Variants in B3GALNT1 observed in about 807,000 individuals in gnomAD.
B3GALNT1 encodes the protein beta-1,3-N-acetylgalactosaminyltransferase 1 (Globoside blood group), also known as UDP-GalNAc:beta-1,3-N-acetylgalactosaminyltransferase 1.
In B3GALNT1, 17 loss-of-function variants were observed where a neutral mutation model predicts 27.3. The ratio of observed to expected loss-of-function variants is 0.62; its 90% CI spans 0.43 to 0.94. The LOEUF (loss-of-function observed/expected upper bound fraction) is 0.94, where lower values mean the gene tolerates loss of function less well. Among genes scored for constraint, B3GALNT1 ranks in the 40% least tolerant of loss-of-function variants. The pLI, the probability that B3GALNT1 is intolerant of heterozygous loss-of-function variation, is 0.00. For synonymous variants in B3GALNT1, 141 were observed against 144.0 expected (o/e 0.98, Z 0.15); for missense variants, 347 against 390.0 (o/e 0.89, Z 0.93).
intron 4 of B3GALNT1, among the ~76,000 whole-genome samples, chr3:161,094,690 A>C (rs1047837908): frequency 1.3e-5 from 2 of 152,210 alleles, no homozygotes; most frequent in Non-Finnish European, 2.9e-5. Context: ...TAACATTAAA[A>C]AAAAATTTAG....
intron 4 of B3GALNT1, among the ~76,000 whole-genome samples, chr3:161,099,919 G>T (rs1476578170): frequency 1.3e-5 from 2 of 152,118 alleles, no homozygotes; most frequent in Non-Finnish European, 1.5e-5. Flanking sequence ...GTTCCATTTT[G>T]AAAGGGTCAC....
chr3:161,095,356 T>G (rs1005702252), intron 4 of B3GALNT1, among the ~76,000 whole-genome samples: 3 of 152,218 alleles, frequency 2.0e-5, no homozygotes, highest in Admixed American at 6.5e-5. Flanking sequence ...TTCCCTTCCA[T>G]AAAGTATATG....
intron 4 of B3GALNT1, among the ~76,000 whole-genome samples, chr3:161,095,926 A>T (rs1727921035): frequency 6.6e-6 from 1 of 152,208 alleles, no homozygotes; most frequent in South Asian, 2.1e-4. Context: ...CTCAACTGGG[A>T]CTCAAACCTA....
intron 4 of B3GALNT1, among the ~76,000 whole-genome samples, chr3:161,088,878 G>A (rs1723468257): frequency 6.6e-6 from 1 of 152,160 alleles, no homozygotes; most frequent in Non-Finnish European, 1.5e-5. Context: ...TATTATAAAA[G>A]TTATTTTTTG....
At chr3:161,089,525 C>A (rs536653168) in intron 4 of B3GALNT1, among the ~76,000 whole-genome samples, 2 of 152,276 alleles carry the variant, frequency 1.3e-5, no homozygotes, top group South Asian at 4.1e-4. Context: ...TTGCTAAAAA[C>A]TTCATTTAAG....
At position 161,086,731 on chromosome 3, in the gene B3GALNT1, G is replaced by T. The variant is rs987367687; in HGVS notation, c.24C>A (p.Val8=). ...ATCTCAGTGACATCCTACTCGGAAG[G>T]ACAGTCCAGAGAGCCGAGGCCATCC... is the stretch of plus-strand genomic sequence containing the variant. The part of the protein sequence containing the change: MASALWT[V]LPSRMSLRSL... The change falls in exon 5 of 5, where the codon GTC becomes GTA. Residue 8 remains valine (V), a synonymous_variant. Transcript: ENST00000320474. 4 of 1,614,050 alleles carry T rather than the reference G, an allele frequency of 2.5e-6. No homozygotes were observed. Among genetic ancestry groups the T allele is most frequent in the Non-Finnish European group, 3.4e-6 (4 of 1,180,000 alleles).
intron 4 of B3GALNT1, among the ~76,000 whole-genome samples, chr3:161,094,167 C>T (rs1322500462): frequency 6.6e-6 from 1 of 152,160 alleles, no homozygotes; most frequent in African/African-American, 2.4e-5. Context: ...GCTGCCTGCT[C>T]ACTATGCTTC....
chr3:161,098,374 C>T (rs1315406885), intron 4 of B3GALNT1, among the ~76,000 whole-genome samples: 1 of 152,190 alleles, frequency 6.6e-6, no homozygotes, highest in Non-Finnish European at 1.5e-5. Context: ...TTTCACAGTG[C>T]AGCACCTCTG....
chr3:161,100,691 G>A (rs917623345), intron 4 of B3GALNT1, among the ~76,000 whole-genome samples: 3 of 152,112 alleles, frequency 2.0e-5, no homozygotes, highest in African/African-American at 4.8e-5. Context: ...GAAAAATGAG[G>A]AGCAAACAAA....
chr3:161,104,432 A>T, intron 1 of B3GALNT1, 26 bp from the exon 2 acceptor site: 1 of 1,118,236 alleles, frequency 8.9e-7, no homozygotes, highest in South Asian at 1.3e-5. Flanking sequence ...AGGAAACAAA[A>T]TCATGAAAGC....
At chr3:161,093,629 A>G (rs1197445315) in intron 4 of B3GALNT1, among the ~76,000 whole-genome samples, 2 of 152,258 alleles carry the variant, frequency 1.3e-5, no homozygotes, top group Non-Finnish European at 2.9e-5. Context: ...CTATTATTTT[A>G]TTACTGACTT....
At chr3:161,100,146 C>A (rs944599008) in intron 4 of B3GALNT1, among the ~76,000 whole-genome samples, 32 of 152,324 alleles carry the variant, frequency 2.1e-4, no homozygotes, top group African/African-American at 7.2e-4. Context: ...GTTATTCTAA[C>A]AAACGTCGAA....
intron 4 of B3GALNT1, among the ~76,000 whole-genome samples, chr3:161,100,082 A>G (rs1205616114): frequency 6.6e-6 from 1 of 152,218 alleles, no homozygotes; most frequent in Non-Finnish European, 1.5e-5. Flanking sequence ...ATTATTTTGA[A>G]TAATAAAATA....
At chr3:161,103,373 T>C (rs948725468) in intron 3 of B3GALNT1, 54 bp downstream of exon 3, 1 of 846,606 alleles carries the variant, frequency 1.2e-6, no homozygotes, top group Non-Finnish European at 1.7e-6. Flanking sequence ...GGCATTATTA[T>C]GGGCATTTTT....
At chr3:161,088,066 G>A (rs1722966228) in intron 4 of B3GALNT1, among the ~76,000 whole-genome samples, 1 of 152,108 alleles carries the variant, frequency 6.6e-6, no homozygotes, top group Admixed American at 6.5e-5. Flanking sequence ...AACTATGGAG[G>A]ACAGACATTA....
chr3:161,087,285 A>T (rs1722539344), intron 4 of B3GALNT1, among the ~76,000 whole-genome samples: 1 of 152,220 alleles, frequency 6.6e-6, no homozygotes, highest in African/African-American at 2.4e-5. Context: ...GATTCTAGCA[A>T]ATCTGGATAA....
chr3:161,104,521 G>T, intron 1 of B3GALNT1, 115 bp from the exon 2 acceptor site: 1 of 414,818 alleles, frequency 2.4e-6, no homozygotes, highest in Non-Finnish European at 4.3e-6. Flanking sequence ...ACTTGAGGAT[G>T]GCATCATTCC....
intron 1 of B3GALNT1, chr3:161,104,942 G>A (rs1293112442): frequency 6.6e-6 from 1 of 152,010 alleles, no homozygotes; most frequent in Non-Finnish European, 1.5e-5. Context: ...CGCGGCCGCG[G>A]CCTGGGCCTG....
At position 161,086,390 on chromosome 3, in the gene B3GALNT1, G is replaced by C; in HGVS notation, c.365C>G (p.Ala122Gly). 6.2e-7 allele frequency: 1 copy of C among 1,614,034 alleles called. No homozygotes were observed. Among genetic ancestry groups the C allele is most frequent in the Non-Finnish European group, 8.5e-7 (1 of 1,180,006 alleles). Residue 122 changes from alanine to glycine, a missense_variant, in exon 5 of 5, where the codon GCT (alanine) becomes GGT (glycine). Ala to Gly is a moderately conservative substitution (Grantham distance 60). Transcript: ENST00000320474. ...VLTFFLLGQE[A>G]EKEDKMLALS... Reference sequence around the variant, plus strand: ...TGCCAACATTTTGTCTTCCTTTTCAGCCTCTTGGCCTAATAAGAAAAATGT... The same window carrying C: ...TGCCAACATTTTGTCTTCCTTTTCACCCTCTTGGCCTAATAAGAAAAATGT...
Sources: gnomAD v4.1 joint callset for allele counts (sites outside exome capture counted in the v4.1 genomes callset) on GRCh38, gnomAD v4.1.1 for gene constraint, MANE v1.5 for transcripts, NCBI Gene and HGNC (gene_info 2026-07-23, HGNC 2026-07-21) for gene names.